Variants in DMD observed in about 807,000 individuals in gnomAD.
DMD encodes mutant dystrophin.
Under a neutral mutation model 330.1 loss-of-function variants are expected in DMD, and 63 were observed. That is an observed-to-expected ratio of 0.19 (90% CI 0.16 to 0.24). The LOEUF (loss-of-function observed/expected upper bound fraction) is 0.24. Among genes scored for constraint, DMD ranks in the 10% least tolerant of loss-of-function variants. The probability of loss-of-function intolerance (pLI) is 1.00; values close to 1 mark genes in which losing one functional copy is unlikely to be tolerated. For synonymous variants in DMD, 1,223 were observed against 959.8 expected, an observed-to-expected ratio of 1.27 and a Z score of -5.07; for missense variants, 3,344 against 2,684.1, an observed-to-expected ratio of 1.25 and a Z score of -5.43.
chrX:32,422,826 A>T (rs1430164771), intron 29 of DMD, among the ~76,000 whole-genome samples: 2 of 111,365 alleles, frequency 1.8e-5, no homozygotes, highest in African/African-American at 6.5e-5. Context: ...ATATTAAATA[A>T]CAGATTTGAT....
chrX:31,443,690 G>C (rs1006273359), intron 60 of DMD, among the ~76,000 whole-genome samples: 1 of 110,638 alleles, frequency 9.0e-6, no homozygotes, highest in African/African-American at 3.3e-5. Flanking sequence ...CCACATGTAA[G>C]TTTGTGATAG....
intron 43 of DMD, among the ~76,000 whole-genome samples, chrX:32,275,839 T>G (rs1326171555): frequency 9.0e-6 from 1 of 111,107 alleles, no homozygotes; most frequent in Non-Finnish European, 1.9e-5. Context: ...ATAACTAATC[T>G]CCCTCACTGA....
chrX:33,258,796 C>T (rs2052901994), intron 1 of DMD, among the ~76,000 whole-genome samples: 1 of 110,891 alleles, frequency 9.0e-6, no homozygotes, highest in Non-Finnish European at 1.9e-5. Flanking sequence ...ATGGTTTGTT[C>T]GGATCTTAAT....
In DMD at chrX:31,511,422, G is replaced by A. The variant is rs12400155; in HGVS notation, c.8218-3969C>T. Among the ~76,000 whole-genome samples the A allele has an allele frequency of 3.0e-4, 30 of 100,224 alleles. No homozygotes were observed. In the East Asian group the frequency reaches 6.3e-3, roughly 21 times the overall value. 87.0% of individuals were successfully genotyped at this position (100,224 alleles called of 115,157 possible). On this transcript the variant is annotated intron_variant, in intron 55 of 78. Transcript: ENST00000357033. The stretch of plus-strand genomic sequence containing the variant: ...ATGTATACATGTGCCATGCTGGTGC[G>A]CTGCACCCACTAACTCATCATCTAG...
At chrX:31,449,816 A>AT (rs1556643940) in intron 59 of DMD, among the ~76,000 whole-genome samples, 55 of 93,875 alleles carry the variant, frequency 5.9e-4, no homozygotes, top group East Asian at 3.6e-3. Flanking sequence ...AGATAGATAG[A>AT]AATCTGGCTA....
chrX:33,070,702 T>TAA (rs2094741256), intron 1 of DMD, among the ~76,000 whole-genome samples: 4 of 94,336 alleles, frequency 4.2e-5, no homozygotes, highest in Admixed American at 1.3e-4. Flanking sequence ...TATATATATA[T>TAA]ATATATATGT....
chrX:31,623,663 T>C (rs1182959952), intron 55 of DMD, among the ~76,000 whole-genome samples: 1 of 111,776 alleles, frequency 8.9e-6, no homozygotes, highest in Non-Finnish European at 1.9e-5. Context: ...GTTTTATTCA[T>C]CAGAAGACAA....
Position 31,708,357 on chromosome X carries a change from G to A in DMD, c.7660+21274C>T, listed in dbSNP as rs1742898564. 3.6e-5 allele frequency among the ~76,000 whole-genome samples: 4 copies of A among 111,422 alleles called. No individual in the cohort carries two copies. The South Asian group carries it at 1.5e-3, about 41-fold the overall frequency. ...CACAATGGTTTATTACCCTCTGAAA[G>A]CCACAATATACGGGCAGATCTAAAG... On this transcript the variant is annotated intron_variant, in intron 52 of 78. Transcript: ENST00000357033.
At chrX:32,213,188 A>C (rs1651612960) in intron 44 of DMD, among the ~76,000 whole-genome samples, 1 of 111,982 alleles carries the variant, frequency 8.9e-6, no homozygotes, top group Non-Finnish European at 1.9e-5. Context: ...TGCTTGGTTG[A>C]TTTTTTTCAC....
At chrX:32,788,081 C>G (rs765467197) in intron 7 of DMD, among the ~76,000 whole-genome samples, 1 of 111,593 alleles carries the variant, frequency 9.0e-6, no homozygotes, top group East Asian at 2.8e-4. Context: ...AGGCAAAAAT[C>G]AGATTTTAAC....
intron 44 of DMD, among the ~76,000 whole-genome samples, chrX:32,019,020 A>G (rs187310263): frequency 1.8e-5 from 2 of 111,469 alleles, no homozygotes; most frequent in African/African-American, 6.5e-5. Flanking sequence ...CACCTTGAAA[A>G]ATATTAACCC....
intron 7 of DMD, among the ~76,000 whole-genome samples, chrX:32,806,161 C>A (rs2076928078): frequency 9.0e-6 from 1 of 111,631 alleles, no homozygotes; most frequent in South Asian, 3.8e-4. Context: ...GAGTCAAGAC[C>A]AAATGGTGTG....
chrX:33,202,320 T>G (rs1397080443), intron 1 of DMD, among the ~76,000 whole-genome samples: 1 of 111,758 alleles, frequency 8.9e-6, no homozygotes, highest in Non-Finnish European at 1.9e-5. Flanking sequence ...ATTAAAATCC[T>G]GACTCTACCA....
chrX:32,088,800 T>G (rs2096457318), intron 44 of DMD, among the ~76,000 whole-genome samples: 1 of 110,460 alleles, frequency 9.1e-6, no homozygotes, highest in African/African-American at 3.3e-5. Flanking sequence ...GATCCTTTCC[T>G]TTTACTACAG....
At chrX:32,760,413 C>T (rs922710602) in intron 7 of DMD, among the ~76,000 whole-genome samples, 1 of 111,810 alleles carries the variant, frequency 8.9e-6, no homozygotes, top group African/African-American at 3.3e-5. Context: ...ATCTGCCCTA[C>T]TTTGTTGCCA....
At chrX:32,087,053 C>A (rs183999448) in intron 44 of DMD, among the ~76,000 whole-genome samples, 35 of 111,559 alleles carry the variant, frequency 3.1e-4, no homozygotes, top group African/African-American at 1.1e-3. Context: ...CCTTATAAAG[C>A]ATTCTTGCCT....
At chrX:31,580,055 A>AT (rs2076272084) in intron 55 of DMD, among the ~76,000 whole-genome samples, 1 of 111,692 alleles carries the variant, frequency 9.0e-6, no homozygotes, top group African/African-American at 3.3e-5. Context: ...ATTTTCACTT[A>AT]TATGAACCCT....
chrX:31,385,713 C>G (rs1275962356), intron 60 of DMD, among the ~76,000 whole-genome samples: 1 of 111,909 alleles, frequency 8.9e-6, no homozygotes, highest in East Asian at 2.8e-4. Flanking sequence ...GGCTATCATT[C>G]AAAAGTCAGG....
chrX:31,583,075 A>G (rs781184260), intron 55 of DMD, among the ~76,000 whole-genome samples: 4 of 112,287 alleles, frequency 3.6e-5, no homozygotes, highest in Admixed American at 1.9e-4. Flanking sequence ...CTTTAGCAAA[A>G]GCCCAACCAA....
Sources: gnomAD v4.1 joint callset for allele counts (sites outside exome capture counted in the v4.1 genomes callset) on GRCh38, gnomAD v4.1.1 for gene constraint, MANE v1.5 for transcripts, NCBI Gene and HGNC (gene_info 2026-07-23, HGNC 2026-07-21) for gene names.